Variants in KLHDC3 observed in about 807,000 individuals in gnomAD.
The protein encoded by KLHDC3 is kelch domain-containing protein 3.
Under a neutral mutation model 44.1 loss-of-function variants are expected in KLHDC3, and 5 were observed. That is an observed-to-expected ratio of 0.11 (90% CI 0.06 to 0.24). KLHDC3 has a LOEUF of 0.24. KLHDC3 is among the 10% of genes least tolerant of loss of function. The probability of loss-of-function intolerance (pLI) is 1.00; values close to 1 mark genes in which losing one functional copy is unlikely to be tolerated. For synonymous variants in KLHDC3, 170 were observed against 189.0 expected, an observed-to-expected ratio of 0.90 and a Z score of 0.82; for missense variants, 247 against 514.3, an observed-to-expected ratio of 0.48 and a Z score of 5.03.
chr6:43,019,218 G>C, intron 9 of KLHDC3, 53 bp downstream of exon 9: 1 of 1,550,468 alleles, frequency 6.4e-7, no homozygotes, highest in Admixed American at 1.7e-5. Flanking sequence ...CTGTCTTTGG[G>C]TGGTGATATC....
In KLHDC3 at chr6:43,018,214, A is replaced by C. The variant is rs1161894413; in HGVS notation, c.517A>C (p.Lys173Gln). ...STMTWTLICT[K>Q]GSPARWRDFH... Reference sequence around the variant, plus strand: ...CATGACATGGACTCTTATCTGTACAAAGGTCTGCTCTTTCTTTTTTTTCCC... The same window carrying C: ...CATGACATGGACTCTTATCTGTACACAGGTCTGCTCTTTCTTTTTTTTCCC... Residue 173 changes from lysine to glutamine, a missense_variant and splice_region_variant, in exon 5 of 11, where the codon AAG (lysine) becomes CAG (glutamine). Transcript: ENST00000326974. The surrounding 1 kb of genome is among the most constrained non-coding windows in gnomAD (Gnocchi z 6.0). The C allele has an allele frequency of 6.2e-7, 1 of 1,607,564 alleles. No homozygotes were observed. The highest frequency in any genetic ancestry group is 1.3e-5 in the African/African-American group (1 of 74,646).
chr6:43,016,930 C>A (rs1762592219), intron 1 of KLHDC3: 2 of 508,512 alleles, frequency 3.9e-6, no homozygotes, highest in Non-Finnish European at 7.1e-6. Flanking sequence ...TGTTGGAGAA[C>A]ACTGGGCCCA....
chr6:43,021,194 A>C lies in KLHDC3; in HGVS notation c.*461A>C. On this transcript the variant is annotated 3_prime_UTR_variant, in exon 11 of 11. Coordinates refer to ENST00000326974, the MANE Select transcript of KLHDC3 (RefSeq NM_057161.4). ...AGACCTCCTTCTCCCCGTCTTGGGG[A>C]GGTGGGGACCAGCAGATAAATCCCA... 2.3e-6 allele frequency: 1 copy of C among 434,488 alleles called. No individual in the cohort carries two copies. The highest frequency in any genetic ancestry group is 4.6e-6 in the Non-Finnish European group (1 of 215,318). The allele number at this position is 434,488 out of a possible 1,614,324, so 26.9% of individuals were successfully genotyped here. A position where few individuals can be genotyped will look rare whatever the true frequency, so the allele number is the denominator to read the frequency against.
chr6:43,015,852 T>TAA (rs561042959), intron 1 of KLHDC3, among the ~76,000 whole-genome samples: 27,622 of 100,132 alleles, frequency 0.28, 5,610 homozygotes, highest in African/African-American at 0.59. Context: ...AGACTTCATC[T>TAA]AAAAAAAAAA....
In KLHDC3 at chr6:43,020,654, G is replaced by GT; in HGVS notation, c.1083-11dup. 6.2e-7 allele frequency: 1 copy of GT among 1,610,232 alleles called. No homozygotes were observed. Among genetic ancestry groups the GT allele is most frequent in the East Asian group, 2.2e-5 (1 of 44,808 alleles). On this transcript the variant is annotated splice_polypyrimidine_tract_variant and intron_variant, in intron 10 of 10. Coordinates refer to ENST00000326974, the MANE Select transcript of KLHDC3 (RefSeq NM_057161.4). ...CCCCCTCTTCTTTCTGTCTCTTATT[G>GT]TTGGCCTTCCAGGTGGGAGCTGAAT...
rs546827649 is a variant in KLHDC3, at chr6:43,021,006, G to A, written c.*273G>A. The A allele has an allele frequency of 3.5e-5, 21 of 602,974 alleles. No individual in the cohort carries two copies. The East Asian group carries it at 7.2e-4, about 21-fold the overall frequency. 37.4% of individuals were successfully genotyped at this position (602,974 alleles called of 1,614,324 possible). On this transcript the variant is annotated 3_prime_UTR_variant, in exon 11 of 11. Coordinates refer to ENST00000326974, the MANE Select transcript of KLHDC3 (RefSeq NM_057161.4). The stretch of plus-strand genomic sequence containing the variant: ...GCTCCTGGGCCTCAGCTCTGCCCAG[G>A]GCCAGCCAGGTTCTGCTGGGAAGGG...
intron 1 of KLHDC3, chr6:43,016,871 T>C (rs1762590810): frequency 2.7e-6 from 1 of 367,260 alleles, no homozygotes; most frequent in Non-Finnish European, 5.1e-6. Flanking sequence ...GTGACCATGA[T>C]ATGCAGATTC....
In KLHDC3 at chr6:43,019,072, C is replaced by T; in HGVS notation, c.930-20C>T. Reference sequence around the variant, plus strand: ...TGGGTAGTTTTTGTCCTACTTTCATCTCTCTTTTGATCCCGACAGTCCATC... The same window carrying T: ...TGGGTAGTTTTTGTCCTACTTTCATTTCTCTTTTGATCCCGACAGTCCATC... On this transcript the variant is annotated intron_variant, in intron 8 of 10. Transcript: ENST00000326974. The T allele has an allele frequency of 1.2e-6, 2 of 1,606,952 alleles. No individual in the cohort carries two copies. The highest frequency in any genetic ancestry group is 1.7e-6 in the Non-Finnish European group (2 of 1,173,746).
rs190768685 is a variant in KLHDC3, at chr6:43,019,926, C to T, written c.1082+560C>T. Among the ~76,000 whole-genome samples, 313 of 152,276 alleles carry T rather than the reference C, an allele frequency of 2.1e-3. 3 individuals carry two copies. Among genetic ancestry groups the T allele is most frequent in the Non-Finnish European group, 4.0e-3 (270 of 68,034 alleles). ...GCATGGTGGCTCATACCTGTAATCC[C>T]ATCACTTCGGGAGGTTGAGGTGGGC... On this transcript the variant is annotated intron_variant, in intron 10 of 10. Transcript: ENST00000326974.
rs1177749254 is a variant in KLHDC3 at position 43,021,143 on chromosome 6, T to C, written c.*410T>C. 1 of 468,258 alleles carries C rather than the reference T, an allele frequency of 2.1e-6. No homozygotes were observed. 29.0% of individuals were successfully genotyped at this position (468,258 alleles called of 1,614,324 possible). Reference sequence around the variant, plus strand: ...TGAGCCTTGAGCCTTGACTGGGAGCTGAAAGGAGTTGCAGCTGTTGGCATG... The same window carrying C: ...TGAGCCTTGAGCCTTGACTGGGAGCCGAAAGGAGTTGCAGCTGTTGGCATG... On this transcript the variant is annotated 3_prime_UTR_variant, in exon 11 of 11. Coordinates refer to ENST00000326974, the MANE Select transcript of KLHDC3 (RefSeq NM_057161.4).
In KLHDC3 at chr6:43,018,827, G is replaced by A; in HGVS notation, c.821-36G>A. 1.3e-6 allele frequency: 2 copies of A among 1,539,206 alleles called. No individual in the cohort carries two copies. The highest frequency in any genetic ancestry group is 9.0e-7 in the Non-Finnish European group (1 of 1,112,666). ...GGGGGTGGGGAAGATACCTGGACTA[G>A]GCAGGTATTGAACTTCCATATAAAT... On this transcript the variant is annotated intron_variant, in intron 7 of 10. Transcript: ENST00000326974. The surrounding 1 kb of genome is among the most constrained non-coding windows in gnomAD (Gnocchi z 6.0).
Position 43,017,846 on chromosome 6 carries a change from C to T in KLHDC3, c.332-7C>T. 1.2e-6 allele frequency: 2 copies of T among 1,611,828 alleles called. No individual in the cohort carries two copies. The highest frequency in any genetic ancestry group is 1.7e-6 in the Non-Finnish European group (2 of 1,178,370). Reference sequence around the variant, plus strand: ...GCTTAGTTGAGCCATTTTCTCATCTCCTTCAGATACGCACAAGTGGTTCAC... The same window carrying T: ...GCTTAGTTGAGCCATTTTCTCATCTTCTTCAGATACGCACAAGTGGTTCAC... On this transcript the variant is annotated splice_region_variant and splice_polypyrimidine_tract_variant and intron_variant, in intron 3 of 10. Transcript: ENST00000326974. The surrounding 1 kb of genome is among the most constrained non-coding windows in gnomAD (Gnocchi z 6.0).
In KLHDC3 at chr6:43,020,762, A is replaced by C; in HGVS notation, c.*29A>C. On this transcript the variant is annotated 3_prime_UTR_variant, in exon 11 of 11. Coordinates refer to ENST00000326974, the MANE Select transcript of KLHDC3 (RefSeq NM_057161.4). The stretch of plus-strand genomic sequence containing the variant: ...GAAGTTTCTGCCACCTCCCCTCCTG[A>C]GCCTGCTGTCATCTTCACTGCCCCT... 6.3e-7 allele frequency: 1 copy of C among 1,576,200 alleles called. No individual in the cohort carries two copies. Among genetic ancestry groups the C allele is most frequent in the Admixed American group, 1.7e-5 (1 of 59,938 alleles).
chr6:43,017,114 TG>T lies in KLHDC3; in HGVS notation c.-59-18del. On this transcript the variant is annotated intron_variant, in intron 1 of 10. Transcript: ENST00000326974. This position sits in a 1 kb window ranked among gnomAD's most constrained non-coding sequence, Gnocchi z 6.0. ...GCAGAAGCCTCGCCTGAGGATCCCG[TG>T]GCCCCAATTTGTGTGCAGATAGCAG... 2 of 1,510,608 alleles carry T rather than the reference TG, an allele frequency of 1.3e-6. No individual in the cohort carries two copies. The highest frequency in any genetic ancestry group is 2.4e-5 in the South Asian group (2 of 82,376). 93.6% of individuals were successfully genotyped at this position (1,510,608 alleles called of 1,614,324 possible).
At chr6:43,016,155 C>T (rs983628695) in intron 1 of KLHDC3, among the ~76,000 whole-genome samples, 17 of 152,028 alleles carry the variant, frequency 1.1e-4, no homozygotes, top group Admixed American at 1.3e-4. Flanking sequence ...GGATGGTCTC[C>T]GTCTCTTGAT....
intron 1 of KLHDC3, among the ~76,000 whole-genome samples, chr6:43,015,428 CA>C (rs1388437910): frequency 6.6e-6 from 1 of 152,168 alleles, no homozygotes; most frequent in Non-Finnish European, 1.5e-5. Context: ...AAACAGGGAG[CA>C]GATGATGATA....
chr6:43,014,603 G>C (rs1046986250), intron 1 of KLHDC3: 1 of 457,600 alleles, frequency 2.2e-6, no homozygotes. Context: ...ATGAAAACAG[G>C]GAAGCTGAGC....
At position 43,017,185 on chromosome 6, in the gene KLHDC3, C is replaced by T. The variant is rs367875990; in HGVS notation, c.-8C>T. 3 of 1,610,804 alleles carry T rather than the reference C, an allele frequency of 1.9e-6. No homozygotes were observed. The highest frequency in any genetic ancestry group is 2.5e-6 in the Non-Finnish European group (3 of 1,179,110). ...GGGGGCATGTTGCTGTAACCAGTGG[C>T]CCAGGGGATGTTACGGTGGACAGTG... is the stretch of plus-strand genomic sequence containing the variant. On this transcript the variant is annotated 5_prime_UTR_variant, in exon 2 of 11. Coordinates refer to ENST00000326974, the MANE Select transcript of KLHDC3 (RefSeq NM_057161.4). The surrounding 1 kb of genome is among the most constrained non-coding windows in gnomAD (Gnocchi z 6.0).
intron 10 of KLHDC3, among the ~76,000 whole-genome samples, chr6:43,019,990 A>G (rs886777898): frequency 6.6e-6 from 1 of 152,116 alleles, no homozygotes; most frequent in African/African-American, 2.4e-5. Context: ...CATCCTGGCC[A>G]CATGGTGAAG....
Sources: allele counts gnomAD v4.1 joint callset (sites outside exome capture counted in the v4.1 genomes callset), GRCh38; gene constraint gnomAD v4.1.1; non-coding constraint Gnocchi (gnomAD v3.1); transcripts MANE v1.5; gene names NCBI Gene and HGNC (gene_info 2026-07-23, HGNC 2026-07-21).